MED16: variants seen among roughly 807,000 people sequenced by gnomAD.
MED16 encodes mediator complex subunit 16.
MED16 carries 81 observed loss-of-function variants against 84.4 expected under a neutral mutation model. The observed-to-expected ratio is 0.96, with a 90% CI of 0.80 to 1.15. The LOEUF is 1.15. MED16 is among the 50% of genes most tolerant of loss of function. The pLI is 0.00. For missense variants in MED16, 1,585 were observed against 1,245.9 expected (o/e 1.27, Z -4.10); for synonymous variants, 897 against 552.2 (o/e 1.62, Z -8.76).
chr19:875,477 C>T (rs1278655132), intron 9 of MED16, 23 bp from the exon 10 acceptor site: 1 of 1,579,332 alleles, frequency 6.3e-7, no homozygotes, highest in Admixed American at 1.7e-5. Context: ...AGCCAGGTCA[C>T]CCCAAGGGGC....
chr19:871,533 G>A (rs992616218), intron 12 of MED16: 51 of 1,573,908 alleles, frequency 3.2e-5, no homozygotes, highest in East Asian at 4.6e-5. Flanking sequence ...TCCAGACACT[G>A]GGATGTAAGA....
At chr19:877,430 C>T (rs182049695) in intron 8 of MED16, among the ~76,000 whole-genome samples, 2 of 152,154 alleles carry the variant, frequency 1.3e-5, no homozygotes, top group Admixed American at 6.5e-5. Context: ...CAGGCTTACA[C>T]TCGTCTGCTT....
Position 876,932 on chromosome 19 carries a change from GC to G in MED16, c.1560+41del, listed in dbSNP as rs143154170. The G allele has an allele frequency of 2.7e-5, 42 of 1,558,088 alleles. No individual in the cohort carries two copies. In the African/African-American group the frequency reaches 4.6e-4, roughly 17 times the overall value. ...CCACGGGGCCCCCACCTGCCACAGG[GC>G]CCCCACCTGCCACGGGGCCCCACCT... is the stretch of plus-strand genomic sequence containing the variant. On this transcript the variant is annotated intron_variant, in intron 9 of 15. Transcript: ENST00000325464.
At position 885,556 on chromosome 19, in the gene MED16, G is replaced by A. The variant is rs368002263; in HGVS notation, c.879+214C>T. 1.1e-4 allele frequency among the ~76,000 whole-genome samples: 17 copies of A among 152,260 alleles called. No homozygotes were observed. In the East Asian group the frequency reaches 1.7e-3, roughly 16 times the overall value. On this transcript the variant is annotated intron_variant, in intron 5 of 15. Transcript: ENST00000325464. ...AGAGGCTGCGCTGTGGCCACGAAGC[G>A]GGAGGAAGGCGCCCCGAACCGAGGG... is the stretch of plus-strand genomic sequence containing the variant.
intron 2 of MED16, chr19:890,534 C>T (rs2036612123): frequency 5.3e-6 from 2 of 378,148 alleles, no homozygotes; most frequent in South Asian, 5.6e-5. Context: ...TTTTGCACCC[C>T]GATTTGATTC....
chr19:877,277 T>G, intron 8 of MED16, 97 bp from the exon 9 acceptor site: 1 of 1,196,198 alleles, frequency 8.4e-7, no homozygotes, highest in Non-Finnish European at 1.2e-6. Context: ...CGTGTGTGGA[T>G]CTGTGTGCGC....
intron 7 of MED16, 75 bp from the exon 8 acceptor site, chr19:880,223 G>A (rs931287746): frequency 1.5e-5 from 21 of 1,400,546 alleles, no homozygotes; most frequent in Middle Eastern, 5.0e-4. Flanking sequence ...CTCCTGCTCT[G>A]CAGGGTGTGG....
rs1324937004 is a variant in MED16, at chr19:883,477, G to A, written c.985+1426C>T. On this transcript the variant is annotated intron_variant, in intron 6 of 15. Transcript: ENST00000325464. Reference sequence around the variant, plus strand: ...ATGGCGGGGACCAAAGCCTGGCATGGTGGGCACGTGGGGCGGTAGGGGGAG... The same window carrying A: ...ATGGCGGGGACCAAAGCCTGGCATGATGGGCACGTGGGGCGGTAGGGGGAG... Among the ~76,000 whole-genome samples the A allele has an allele frequency of 7.9e-5, 12 of 151,680 alleles. 1 individual carries two copies. The highest frequency in any genetic ancestry group is 1.6e-4 in the Non-Finnish European group (11 of 67,914).
At chr19:887,758 G>A (rs1568332686) in intron 4 of MED16, among the ~76,000 whole-genome samples, 1 of 152,132 alleles carries the variant, frequency 6.6e-6, no homozygotes, top group Admixed American at 6.6e-5. Flanking sequence ...AGTAAGAGAT[G>A]CCAGACACAG....
At chr19:890,528 G>A (rs954792312) in intron 2 of MED16, 80 of 386,612 alleles carry the variant, frequency 2.1e-4, no homozygotes, top group Middle Eastern at 1.4e-3. Context: ...TGGCTTTTTT[G>A]CACCCCGATT....
At chr19:872,250 C>G in intron 11 of MED16, 132 bp from the exon 12 acceptor site, 1 of 737,714 alleles carries the variant, frequency 1.4e-6, no homozygotes, top group Non-Finnish European at 2.2e-6. Flanking sequence ...GTGGTCAGGA[C>G]TGGGGTGCTT....
At chr19:882,826 T>C (rs534358371) in intron 6 of MED16, among the ~76,000 whole-genome samples, 1 of 152,366 alleles carries the variant, frequency 6.6e-6, no homozygotes, top group Admixed American at 6.5e-5. Context: ...TCATGAGGTC[T>C]CTGCCCCGGA....
chr19:880,936 GA>G lies in MED16; in HGVS notation c.1141+622del, dbSNP rs1027464164. 8.2e-3 allele frequency among the ~76,000 whole-genome samples: 1,162 copies of G among 142,474 alleles called. 14 individuals carry two copies. Among genetic ancestry groups the G allele is most frequent in the African/African-American group, 0.026 (1,004 of 38,874 alleles). 93.5% of individuals were successfully genotyped at this position (142,474 alleles called of 152,430 possible). On this transcript the variant is annotated intron_variant, in intron 7 of 15. Transcript: ENST00000325464. ...TGAGACTCCAACTCAAAAAAAAAAA[GA>G]AAAAAAAAAATAGAGCCTGGAAAAT...
intron 7 of MED16, among the ~76,000 whole-genome samples, chr19:881,162 G>A (rs927728635): frequency 3.9e-5 from 6 of 152,156 alleles, no homozygotes; most frequent in Non-Finnish European, 8.8e-5. Context: ...AATAGGGTAG[G>A]CACTGAAGAG....
chr19:884,682 C>T (rs1334450010), intron 6 of MED16, among the ~76,000 whole-genome samples: 5 of 152,200 alleles, frequency 3.3e-5, no homozygotes, highest in Non-Finnish European at 5.9e-5. Context: ...CCGCAGCGGG[C>T]GTGGAAGGAT....
rs1037440613 is a variant in MED16 at position 871,201 on chromosome 19, G to T, written c.2151C>A (p.Cys717Ter). ...SEPDEALVDE[C>*]CLLPSQLLIP... is the part of the protein sequence containing the mutation. ...TAAGCAGCTGGCTGGGCAGCAGGCA[G>T]CATTCATCCACCAGCGCCTCGTCCG... Residue 717 changes from cysteine to a stop codon, truncating the protein, a stop_gained, in exon 13 of 16, where the codon TGC (cysteine) becomes TGA (stop). Transcript: ENST00000325464. LOFTEE classifies it high-confidence loss of function. 1.3e-6 allele frequency: 2 copies of T among 1,550,444 alleles called. No homozygotes were observed. Among genetic ancestry groups the T allele is most frequent in the Non-Finnish European group, 8.7e-7 (1 of 1,146,752 alleles).
intron 4 of MED16, 52 bp from the exon 5 acceptor site, chr19:886,253 C>T: frequency 7.1e-7 from 1 of 1,416,052 alleles, no homozygotes; most frequent in Admixed American, 2.6e-5. Flanking sequence ...ATGGGGGCTG[C>T]CCCATGACCC....
chr19:869,214 G>C (rs868717753), intron 13 of MED16, among the ~76,000 whole-genome samples: 2 of 152,162 alleles, frequency 1.3e-5, no homozygotes, highest in South Asian at 4.1e-4. Flanking sequence ...AAAGGGGACG[G>C]GGCCCACACA....
At chr19:885,662 C>A (rs1164800391) in intron 5 of MED16, 108 bp downstream of exon 5, 12 of 1,338,184 alleles carry the variant, frequency 9.0e-6, no homozygotes, top group East Asian at 2.5e-5. Flanking sequence ...CCTGCCCACA[C>A]CACGGTTTAG....
Sources: allele counts gnomAD v4.1 joint callset (sites outside exome capture counted in the v4.1 genomes callset), GRCh38; gene constraint gnomAD v4.1.1; transcripts MANE v1.5; gene names NCBI Gene and HGNC (gene_info 2026-07-23, HGNC 2026-07-21).